The following CLTA variants were observed in gnomAD, a reference collection of about 807,000 sequenced individuals.
CLTA encodes clathrin light chain A.
Under a neutral mutation model 26.9 loss-of-function variants are expected in CLTA, and 9 were observed. The ratio of observed to expected loss-of-function variants is 0.33; its 90% confidence interval spans 0.20 to 0.58. The LOEUF is 0.58. CLTA is among the 20% of genes least tolerant of loss of function. CLTA has a pLI of 0.85. For missense variants in CLTA, 278 were observed against 294.2 expected, an observed-to-expected ratio of 0.94 and a Z score of 0.40; for synonymous variants, 120 against 115.5, an observed-to-expected ratio of 1.04 and a Z score of -0.25.
Position 36,210,499 on chromosome 9 carries a change from G to A in CLTA, c.486-1104G>A, listed in dbSNP as rs1024155295. On this transcript the variant is annotated intron_variant, in intron 4 of 4. Transcript: ENST00000345519. ...GGGTGGCCAGCAAAGCCAGCTGCAC[G>A]TCCCCAAGCACAGATAGAGTGGCAA... 16 of 1,479,098 alleles carry A rather than the reference G, an allele frequency of 1.1e-5. No individual in the cohort carries two copies. The Admixed American group carries it at 1.4e-4, about 13-fold the overall frequency. The allele number at this position is 1,479,098 out of a possible 1,614,324, so 91.6% of individuals were successfully genotyped here.
intron 1 of CLTA, among the ~76,000 whole-genome samples, chr9:36,196,893 G>T (rs1200837063): frequency 6.6e-6 from 1 of 152,198 alleles, no homozygotes; most frequent in Non-Finnish European, 1.5e-5. Context: ...AAATATGAGA[G>T]GCCAGGCATG....
At chr9:36,202,236 A>G (rs1292359394) in intron 3 of CLTA, among the ~76,000 whole-genome samples, 1 of 152,202 alleles carries the variant, frequency 6.6e-6, no homozygotes, top group Non-Finnish European at 1.5e-5. Context: ...CGTTCCTACT[A>G]ACCTGAAACT....
intron 4 of CLTA, among the ~76,000 whole-genome samples, chr9:36,210,992 A>G (rs1264263030): frequency 6.6e-6 from 1 of 152,228 alleles, no homozygotes. Context: ...GTGTGCCCTG[A>G]GTGGCCCCAA....
intron 1 of CLTA, among the ~76,000 whole-genome samples, chr9:36,195,822 G>A (rs1440662887): frequency 6.6e-6 from 1 of 151,528 alleles, no homozygotes; most frequent in Non-Finnish European, 1.5e-5. Flanking sequence ...ACAAAAATTA[G>A]CCGGGCATGG....
intron 4 of CLTA, among the ~76,000 whole-genome samples, chr9:36,208,096 A>G (rs887679404): frequency 1.3e-5 from 2 of 152,238 alleles, no homozygotes; most frequent in Non-Finnish European, 2.9e-5. Flanking sequence ...CCTTCAAATA[A>G]GTATGTGAGG....
At chr9:36,198,663 A>G (rs1303700287) in intron 2 of CLTA, among the ~76,000 whole-genome samples, 4 of 149,022 alleles carry the variant, frequency 2.7e-5, no homozygotes, top group Non-Finnish European at 5.9e-5. Context: ...TCTGGGTGAC[A>G]GAGTAAGACC....
rs905829349 is a variant in CLTA at position 36,205,765 on chromosome 9, T to G, written c.485+1586T>G. Among the ~76,000 whole-genome samples, 24 of 146,224 alleles carry G rather than the reference T, an allele frequency of 1.6e-4. No homozygotes were observed. In the South Asian group the frequency reaches 1.8e-3, roughly 11 times the overall value. Reference sequence around the variant, plus strand: ...GGAGTAATGACACCTGTTTTTTTTTTTTTTTTTTTTTTGAGATGGAGTCTT... The same window carrying G: ...GGAGTAATGACACCTGTTTTTTTTTGTTTTTTTTTTTTGAGATGGAGTCTT... On this transcript the variant is annotated intron_variant, in intron 4 of 4. Coordinates refer to ENST00000345519, the MANE Select transcript of CLTA (RefSeq NM_001833.4).
chr9:36,206,060 A>C (rs910177819), intron 4 of CLTA, among the ~76,000 whole-genome samples: 1 of 152,020 alleles, frequency 6.6e-6, no homozygotes, highest in Non-Finnish European at 1.5e-5. Flanking sequence ...GCGCCTGGCC[A>C]TGACACCTGT....
chr9:36,201,893 C>G (rs904285631), intron 3 of CLTA, among the ~76,000 whole-genome samples: 1 of 151,948 alleles, frequency 6.6e-6, no homozygotes, highest in Admixed American at 6.6e-5. Flanking sequence ...GGGAGGATCA[C>G]TTGAGCTCAG....
In CLTA at chr9:36,191,127, C is replaced by T. The variant is rs1183679469; in HGVS notation, c.71C>T (p.Ala24Val). The change falls in exon 1 of 5, where the codon GCC (alanine) becomes GTC (valine). Residue 24 changes from alanine to valine, a missense_variant. Ala to Val is a moderately conservative substitution (Grantham distance 64). Transcript: ENST00000345519. ...GGTCCCGCGCTGGGGAACGGAGTGG[C>T]CGGCGCCGGCGAAGAAGACCCGGCT... Reference protein sequence around the residue: ...PGGPALGNGVAGAGEEDPAAA... With the variant: ...PGGPALGNGVVGAGEEDPAAA... 2 of 1,600,588 alleles carry T rather than the reference C, an allele frequency of 1.2e-6. No homozygotes were observed. The highest frequency in any genetic ancestry group is 1.7e-6 in the Non-Finnish European group (2 of 1,176,144).
chr9:36,208,380 T>G (rs1216305221), intron 4 of CLTA, among the ~76,000 whole-genome samples: 1 of 152,210 alleles, frequency 6.6e-6, no homozygotes, highest in Non-Finnish European at 1.5e-5. Flanking sequence ...GGGATGAAGT[T>G]CTGGATTCTG....
intron 4 of CLTA, among the ~76,000 whole-genome samples, chr9:36,207,028 A>G (rs1355146138): frequency 6.6e-6 from 1 of 152,218 alleles, no homozygotes; most frequent in Non-Finnish European, 1.5e-5. Context: ...TTGAAAGAGG[A>G]AAGTCGGAGA....
At position 36,191,283 on chromosome 9, in the gene CLTA, C is replaced by T; in HGVS notation, c.217+10C>T. On this transcript the variant is annotated intron_variant, in intron 1 of 4. Coordinates refer to ENST00000345519, the MANE Select transcript of CLTA (RefSeq NM_001833.4). ...CCGCCGGGGGGTCCGGGTGAGAGTGCGGGCGCGTTTGGGGCGAGAGGACTT... is the reference window on the plus strand; with the variant it reads ...CCGCCGGGGGGTCCGGGTGAGAGTGTGGGCGCGTTTGGGGCGAGAGGACTT... The T allele has an allele frequency of 6.6e-7, 1 of 1,505,742 alleles. No individual in the cohort carries two copies. Among genetic ancestry groups the T allele is most frequent in the African/African-American group, 1.4e-5 (1 of 70,532 alleles). 93.3% of individuals were successfully genotyped at this position (1,505,742 alleles called of 1,614,324 possible).
intron 1 of CLTA, among the ~76,000 whole-genome samples, chr9:36,194,253 C>T (rs1337289949): frequency 4.6e-5 from 7 of 152,280 alleles, no homozygotes; most frequent in Admixed American, 3.9e-4. Context: ...TCTGAAACTC[C>T]TGACCTCAGG....
At chr9:36,209,139 A>C (rs1827894443) in intron 4 of CLTA, 1 of 1,151,434 alleles carries the variant, frequency 8.7e-7, no homozygotes, top group South Asian at 1.5e-5. Flanking sequence ...GGGGTTAGGA[A>C]GGAGCCTTGG....
intron 4 of CLTA, among the ~76,000 whole-genome samples, chr9:36,206,553 A>ATTCATCCTT (rs1483404503): frequency 2.6e-5 from 4 of 152,148 alleles, no homozygotes; most frequent in Admixed American, 2.0e-4. Context: ...GTATAAAGTA[A>ATTCATCCTT]TTCATCCTTG....
At chr9:36,202,207 A>G (rs908987364) in intron 3 of CLTA, among the ~76,000 whole-genome samples, 16 of 152,326 alleles carry the variant, frequency 1.1e-4, no homozygotes, top group African/African-American at 3.4e-4. Context: ...CCTTCCGACA[A>G]ATTAGATACC....
chr9:36,197,646 A>T, intron 2 of CLTA, 58 bp downstream of exon 2: 1 of 1,349,062 alleles, frequency 7.4e-7, no homozygotes, highest in Non-Finnish European at 1.0e-6. Flanking sequence ...CTTTCCTGTG[A>T]TTTTAATTGA....
intron 1 of CLTA, among the ~76,000 whole-genome samples, chr9:36,191,803 G>A (rs558198969): frequency 6.6e-6 from 1 of 152,332 alleles, no homozygotes; most frequent in South Asian, 2.1e-4. Context: ...AGGGAGTAGG[G>A]AACTCGAAAG....
Sources: allele counts gnomAD v4.1 joint callset (sites outside exome capture counted in the v4.1 genomes callset), GRCh38; gene constraint gnomAD v4.1.1; transcripts MANE v1.5; gene names NCBI Gene and HGNC (gene_info 2026-07-23, HGNC 2026-07-21).